The following DCDC1 variants were observed in gnomAD, a reference collection of about 807,000 sequenced individuals.
DCDC1 encodes doublecortin domain containing 1, also known as doublecortin domain-containing protein 1.
DCDC1 carries 200 observed loss-of-function variants against 178.3 expected under a neutral mutation model. That is an observed-to-expected ratio of 1.12 (90% confidence interval 1.00 to 1.26). The LOEUF (loss-of-function observed/expected upper bound fraction) is 1.26, where lower values mean the gene tolerates loss of function less well. Ranked by LOEUF, DCDC1 falls within the 50% of genes most tolerant of loss-of-function variation. DCDC1 has a pLI of 0.00. For synonymous variants in DCDC1, 690 were observed against 604.8 expected, an observed-to-expected ratio of 1.14 and a Z score of -2.07; for missense variants, 1,983 against 1,749.2, an observed-to-expected ratio of 1.13 and a Z score of -2.38.
chr11:31,210,602 T>C (rs1591414068), intron 9 of DCDC1, among the ~76,000 whole-genome samples: 1 of 150,932 alleles, frequency 6.6e-6, no homozygotes, highest in South Asian at 2.1e-4. Context: ...TCCCAGCTAC[T>C]CAGGAGGCTG....
intron 1 of DCDC1, among the ~76,000 whole-genome samples, chr11:31,337,906 A>C (rs575649016): frequency 1.3e-5 from 2 of 152,278 alleles, no homozygotes; most frequent in South Asian, 4.2e-4. Context: ...AAGAGGAAGG[A>C]GCAGTGTTAA....
At chr11:31,023,055 G>C (rs927097996) in intron 20 of DCDC1, among the ~76,000 whole-genome samples, 5 of 151,922 alleles carry the variant, frequency 3.3e-5, no homozygotes, top group Admixed American at 2.6e-4. Context: ...CACAGCAAAG[G>C]CTCCACTCTA....
intron 20 of DCDC1, among the ~76,000 whole-genome samples, chr11:31,005,242 G>A (rs1054239427): frequency 2.0e-5 from 3 of 152,160 alleles, no homozygotes; most frequent in African/African-American, 7.2e-5. Context: ...ACCAGTAACT[G>A]TATCGCATTG....
At chr11:31,223,226 G>C (rs1166223347) in intron 9 of DCDC1, among the ~76,000 whole-genome samples, 1 of 152,044 alleles carries the variant, frequency 6.6e-6, no homozygotes, top group East Asian at 1.9e-4. Context: ...ATAGGAGAAT[G>C]GTTATTATGT....
At chr11:30,941,550 C>T (rs1273700092) in intron 21 of DCDC1, among the ~76,000 whole-genome samples, 1 of 152,148 alleles carries the variant, frequency 6.6e-6, no homozygotes, top group East Asian at 1.9e-4. Flanking sequence ...ACTCAAATAT[C>T]ACCTCAATGA....
chr11:30,938,614 T>C (rs1031724550), intron 21 of DCDC1, among the ~76,000 whole-genome samples: 1 of 152,126 alleles, frequency 6.6e-6, no homozygotes, highest in Admixed American at 6.5e-5. Context: ...ACCCATCTCT[T>C]CTTGTGAGGA....
chr11:31,094,221 AGT>A lies in DCDC1; in HGVS notation c.1984-39_1984-38del, dbSNP rs765749215. 933 of 763,322 alleles carry A rather than the reference AGT, an allele frequency of 1.2e-3. 2 individuals are homozygous for A. Among genetic ancestry groups the A allele is most frequent in the Non-Finnish European group, 1.3e-3 (543 of 415,966 alleles). The allele number at this position is 763,322 out of a possible 1,614,324, so 47.3% of individuals were successfully genotyped here. ...GAAGAAGTATGCATTTTTAACTCAT[AGT>A]CTAAGAGTTAAACTCCTCAACACAC... On this transcript the variant is annotated intron_variant, in intron 15 of 38. Transcript: ENST00000684477.
chr11:30,925,373 C>T lies in DCDC1; in HGVS notation c.2933G>A (p.Arg978Gln), dbSNP rs535389122. ...CTTCCCCTTTTCATTGTACAATCTC[C>T]GAGCTGCAGAAGGTAAATTTAAAAT... ...TEILNLPSAA[R>Q]RLYNEKGKEI... The change falls in exon 23 of 39, where the codon CGG becomes CAG. Residue 978 changes from arginine (R) to glutamine (Q), a missense_variant. Transcript: ENST00000684477. The T allele has an allele frequency of 1.8e-5, 29 of 1,613,544 alleles. No individual in the cohort carries two copies. The highest frequency in any genetic ancestry group is 2.2e-5 in the East Asian group (1 of 44,858).
chr11:31,342,772 C>G (rs1950612125), intron 1 of DCDC1, among the ~76,000 whole-genome samples: 1 of 152,096 alleles, frequency 6.6e-6, no homozygotes, highest in African/African-American at 2.4e-5. Flanking sequence ...AGAAAAAAAT[C>G]CACTGACTGT....
intron 18 of DCDC1, among the ~76,000 whole-genome samples, chr11:31,075,605 G>C (rs1209256988): frequency 2.6e-5 from 4 of 152,034 alleles, no homozygotes; most frequent in Non-Finnish European, 5.9e-5. Context: ...AGTGTAACAA[G>C]TATCTTGTTT....
chr11:30,871,127 C>A lies in DCDC1; in HGVS notation c.*41-5795G>T, dbSNP rs1181118512. Among the ~76,000 whole-genome samples, 8 of 152,218 alleles carry A rather than the reference C, an allele frequency of 5.3e-5. No homozygotes were observed. In the East Asian group the frequency reaches 1.5e-3, roughly 29 times the overall value. On this transcript the variant is annotated intron_variant, in intron 38 of 38. Coordinates refer to ENST00000684477, the MANE Select transcript of DCDC1 (RefSeq NM_001387274.1). ...GAAAGTAGTTCAGATGGTACAGTGA[C>A]CCTGAAGCCAAAATAAATATAAAGA...
chr11:31,288,510 T>C (rs1591650447), intron 7 of DCDC1, among the ~76,000 whole-genome samples: 1 of 151,894 alleles, frequency 6.6e-6, no homozygotes, highest in African/African-American at 2.4e-5. Flanking sequence ...AATAGAGTCA[T>C]TTCCCCTTGG....
intron 31 of DCDC1, chr11:30,904,672 C>T (rs1010735865): frequency 2.5e-6 from 1 of 404,432 alleles, no homozygotes; most frequent in Non-Finnish European, 4.5e-6. Context: ...CAGTCTATCA[C>T]AAGAAGGAAG....
At chr11:31,086,826 A>T (rs1294889622) in intron 17 of DCDC1, among the ~76,000 whole-genome samples, 1 of 151,964 alleles carries the variant, frequency 6.6e-6, no homozygotes, top group Non-Finnish European at 1.5e-5. Flanking sequence ...CATTTTTTGC[A>T]CTTATAGTCA....
intron 7 of DCDC1, among the ~76,000 whole-genome samples, chr11:31,269,098 T>C (rs1211151708): frequency 6.6e-6 from 1 of 152,158 alleles, no homozygotes; most frequent in Admixed American, 6.5e-5. Context: ...TCCTTCCTAC[T>C]TGAAGAATGA....
chr11:31,136,975 T>A (rs997605711), intron 10 of DCDC1, among the ~76,000 whole-genome samples: 1 of 152,326 alleles, frequency 6.6e-6, no homozygotes, highest in East Asian at 1.9e-4. Flanking sequence ...ACTTTGTTAG[T>A]ATTTCTAAAA....
At chr11:31,359,440 G>C (rs554854883) in intron 1 of DCDC1, among the ~76,000 whole-genome samples, 66 of 121,960 alleles carry the variant, frequency 5.4e-4, no homozygotes, top group Admixed American at 1.0e-3. Context: ...GTTGTGGGGT[G>C]GGGGGAGGGG....
At chr11:31,134,008 A>C (rs2135975368) in intron 10 of DCDC1, among the ~76,000 whole-genome samples, 1 of 152,252 alleles carries the variant, frequency 6.6e-6, no homozygotes, top group African/African-American at 2.4e-5. Flanking sequence ...TGGCCCAAAT[A>C]CTACCAAATT....
At chr11:31,046,596 T>G (rs1283017641) in intron 20 of DCDC1, among the ~76,000 whole-genome samples, 3 of 143,292 alleles carry the variant, frequency 2.1e-5, no homozygotes, top group Non-Finnish European at 1.5e-5. Flanking sequence ...AATCTCAAAG[T>G]GTTCACTGGC....
Sources: gnomAD v4.1 joint callset for allele counts (sites outside exome capture counted in the v4.1 genomes callset) on GRCh38, gnomAD v4.1.1 for gene constraint, MANE v1.5 for transcripts, NCBI Gene and HGNC (gene_info 2026-07-23, HGNC 2026-07-21) for gene names.